Variants in PREP observed in about 807,000 individuals in gnomAD.
PREP encodes dJ355L5.1 (prolyl endopeptidase).
Under a neutral mutation model 87.6 loss-of-function variants are expected in PREP, and 29 were observed. That is an observed-to-expected ratio of 0.33 (90% CI 0.25 to 0.45). PREP has a LOEUF of 0.45. Ranked by LOEUF, PREP falls within the 20% of genes least tolerant of loss-of-function variation. The pLI, the probability that PREP is intolerant of heterozygous loss-of-function variation, is 1.00. For missense variants in PREP, 695 were observed against 886.5 expected (o/e 0.78, Z 2.74); for synonymous variants, 337 against 328.6 (o/e 1.03, Z -0.28).
chr6:105,299,850 G>A (rs1173926662), intron 10 of PREP, among the ~76,000 whole-genome samples: 3 of 151,468 alleles, frequency 2.0e-5, no homozygotes, highest in Non-Finnish European at 4.4e-5. Context: ...AGGGAATCCT[G>A]GGGACAAATA....
intron 2 of PREP, among the ~76,000 whole-genome samples, chr6:105,379,764 G>A (rs936351160): frequency 6.6e-6 from 1 of 152,192 alleles, no homozygotes. Flanking sequence ...TACACTGATC[G>A]TGGCATTGTG....
intron 5 of PREP, among the ~76,000 whole-genome samples, chr6:105,372,494 A>G (rs1347125153): frequency 2.0e-5 from 3 of 152,230 alleles, no homozygotes; most frequent in African/African-American, 7.2e-5. Flanking sequence ...TGTACCAGTA[A>G]GGTACAAGGT....
intron 7 of PREP, among the ~76,000 whole-genome samples, chr6:105,335,839 GC>G (rs1771463502): frequency 6.6e-6 from 1 of 152,134 alleles, no homozygotes; most frequent in South Asian, 2.1e-4. Flanking sequence ...CTTGCAGTGA[GC>G]CAAGATTGAG....
intron 6 of PREP, among the ~76,000 whole-genome samples, chr6:105,357,911 C>CTGT (rs1238994491): frequency 5.8e-4 from 86 of 149,426 alleles, no homozygotes; most frequent in African/African-American, 2.0e-3. Flanking sequence ...TTCAACAATA[C>CTGT]TGTTTTTTTT....
chr6:105,281,697 A>G (rs777202639), intron 14 of PREP, 49 bp downstream of exon 14: 8 of 1,582,512 alleles, frequency 5.1e-6, no homozygotes, highest in Non-Finnish European at 6.9e-6. Flanking sequence ...GACTGTGTTC[A>G]ACTTTATATC....
At chr6:105,375,109 T>C (rs1205745268) in intron 4 of PREP, among the ~76,000 whole-genome samples, 1 of 152,176 alleles carries the variant, frequency 6.6e-6, no homozygotes, top group Non-Finnish European at 1.5e-5. Flanking sequence ...TTATTTTCGA[T>C]ACTGGTTCGA....
intron 5 of PREP, among the ~76,000 whole-genome samples, chr6:105,372,159 G>A (rs1772574754): frequency 6.6e-6 from 1 of 151,744 alleles, no homozygotes; most frequent in Non-Finnish European, 1.5e-5. Flanking sequence ...GCTAAACATA[G>A]CCAAGAGATG....
chr6:105,401,655 T>G (rs953602842), intron 1 of PREP, among the ~76,000 whole-genome samples: 3 of 152,120 alleles, frequency 2.0e-5, no homozygotes, highest in African/African-American at 7.2e-5. Flanking sequence ...TCTTGAGCTG[T>G]TAGGGTAAAT....
intron 2 of PREP, among the ~76,000 whole-genome samples, chr6:105,379,763 C>T (rs1772788205): frequency 1.3e-5 from 2 of 152,268 alleles, no homozygotes; most frequent in Non-Finnish European, 2.9e-5. Context: ...TTACACTGAT[C>T]GTGGCATTGT....
At position 105,374,635 on chromosome 6, in the gene PREP, TATATATATATATATATATATATA is replaced by T. The variant is rs1562221695; in HGVS notation, c.386-1080_386-1058del. Among the ~76,000 whole-genome samples, 3 of 230 alleles carry T rather than the reference TATATATATATATATATATATATA, an allele frequency of 0.013. No homozygotes were observed. The East Asian group carries it at 0.14, about 10-fold the overall frequency. The allele number at this position is 230 out of a possible 152,430, so 0.2% of individuals were successfully genotyped here. Reference sequence around the variant, plus strand: ...AGCACTGGAGTGTTTGAATTGTTTATATATATATATATATATATATATATATATATATATATATATATATATAT... The same window carrying T: ...AGCACTGGAGTGTTTGAATTGTTTATTATATATATATATATATATATATAT... On this transcript the variant is annotated intron_variant, in intron 4 of 14. Coordinates refer to ENST00000652536, the MANE Select transcript of PREP (RefSeq NM_002726.5).
At chr6:105,402,717 C>T (rs1773467519) in intron 1 of PREP, 130 bp downstream of exon 1, 1 of 870,934 alleles carries the variant, frequency 1.1e-6, no homozygotes, top group African/African-American at 1.7e-5. Flanking sequence ...TTCTCCCAAA[C>T]AAAGGCCGAG....
At position 105,275,128 on chromosome 6, in the gene PREP, G is replaced by C. The variant is rs1048381062; in HGVS notation, c.*3016C>G. ...TGACCACCCCAACAGTATGACCTTT[G>C]CCTCTTTACAGCAACCTCCACAGCT... is the stretch of plus-strand genomic sequence containing the variant. On this transcript the variant is annotated 3_prime_UTR_variant, in exon 15 of 15. Coordinates refer to ENST00000652536, the MANE Select transcript of PREP (RefSeq NM_002726.5). 6.6e-6 allele frequency among the ~76,000 whole-genome samples: 1 copy of C among 152,094 alleles called. No homozygotes were observed. Among genetic ancestry groups the C allele is most frequent in the African/African-American group, 2.4e-5 (1 of 41,398 alleles).
chr6:105,294,221 T>C (rs1488602796), intron 10 of PREP, among the ~76,000 whole-genome samples: 1 of 152,222 alleles, frequency 6.6e-6, no homozygotes, highest in Non-Finnish European at 1.5e-5. Flanking sequence ...CCAGAGATTC[T>C]GATACGACAG....
At chr6:105,338,376 G>A (rs1311968293) in intron 7 of PREP, among the ~76,000 whole-genome samples, 2 of 152,224 alleles carry the variant, frequency 1.3e-5, no homozygotes, top group African/African-American at 4.8e-5. Flanking sequence ...AATCAGGTAA[G>A]CCTGAAGATG....
chr6:105,397,185 C>CAA (rs67107334), intron 2 of PREP, among the ~76,000 whole-genome samples: 1 of 86,836 alleles, frequency 1.2e-5, no homozygotes. Context: ...ACTCTGTCTA[C>CAA]AAAAAAAAAA....
intron 3 of PREP, among the ~76,000 whole-genome samples, chr6:105,376,569 T>A (rs1486419884): frequency 2.0e-5 from 3 of 152,194 alleles, no homozygotes; most frequent in African/African-American, 7.2e-5. Flanking sequence ...ACTTTTTCTT[T>A]TAAATGAAGA....
At chr6:105,382,270 A>AACACACACACACACACAC (rs146759488) in intron 2 of PREP, among the ~76,000 whole-genome samples, 43 of 143,116 alleles carry the variant, frequency 3.0e-4, no homozygotes, top group African/African-American at 7.9e-4. Flanking sequence ...AAGCGTTCTC[A>AACACACACACACACACAC]ACACACACAC....
In PREP at chr6:105,368,943, G is replaced by A. The variant is rs777085756; in HGVS notation, c.677C>T (p.Ala226Val). The change falls in exon 6 of 15, where the codon GCT becomes GTT. Residue 226 changes from alanine (A) to valine (V), a missense_variant. This residue lies in a region of PREP where 517 missense variants were observed against 620.3 expected (regional missense o/e 0.83). Coordinates refer to ENST00000652536, the MANE Select transcript of PREP (RefSeq NM_002726.5). The part of the protein sequence containing the change: ...GTDQSEDILC[A>V]EFPDEPKWMG... The stretch of plus-strand genomic sequence containing the variant: ...CCATTTAGGTTCATCAGGAAACTCA[G>A]CACACAAAATATCTTCTGACTGATC... 1.9e-5 allele frequency: 30 copies of A among 1,614,050 alleles called. No individual in the cohort carries two copies. Among genetic ancestry groups the A allele is most frequent in the African/African-American group, 2.7e-5 (2 of 75,044 alleles).
At chr6:105,395,924 T>C (rs1462313877) in intron 2 of PREP, among the ~76,000 whole-genome samples, 1 of 152,222 alleles carries the variant, frequency 6.6e-6, no homozygotes, top group East Asian at 1.9e-4. Flanking sequence ...CAGGTGCATG[T>C]GACTCTCCAC....
Sources: gnomAD v4.1 joint callset for allele counts (sites outside exome capture counted in the v4.1 genomes callset) on GRCh38, gnomAD v4.1.1 for gene constraint, gnomAD v4.1.1 regional missense constraint, MANE v1.5 for transcripts, NCBI Gene and HGNC (gene_info 2026-07-23, HGNC 2026-07-21) for gene names.